Variants in ZNF462 observed in about 807,000 individuals in gnomAD.
ZNF462 encodes the protein zinc finger PBX1-interacting protein.
Under a neutral mutation model 201.9 loss-of-function variants are expected in ZNF462, and 10 were observed. The observed-to-expected ratio is 0.05, with a 90% confidence interval of 0.03 to 0.08. The LOEUF is 0.08. Among genes scored for constraint, ZNF462 ranks in the 10% least tolerant of loss-of-function variants. ZNF462 has a pLI of 1.00. For missense variants in ZNF462, 2,523 were observed against 3,168.3 expected (o/e 0.80, Z 4.89); for synonymous variants, 1,227 against 1,193.3 (o/e 1.03, Z -0.58).
chr9:106,985,899 G>A lies in ZNF462; in HGVS notation c.7056+1490G>A, dbSNP rs147837490. Among the ~76,000 whole-genome samples, 155 of 152,232 alleles carry A rather than the reference G, an allele frequency of 1.0e-3. 1 individual carries two copies. The highest frequency in any genetic ancestry group is 3.5e-3 in the African/African-American group (147 of 41,554). On this transcript the variant is annotated intron_variant, in intron 10 of 12. Coordinates refer to ENST00000277225, the MANE Select transcript of ZNF462 (RefSeq NM_021224.6). ...CAATGTGTCTGCCCGAGAAAATGAAGCAAAGAGGAAAAGCCTGAATTACCT... is the reference window on the plus strand; with the variant it reads ...CAATGTGTCTGCCCGAGAAAATGAAACAAAGAGGAAAAGCCTGAATTACCT...
At chr9:106,896,200 C>T (rs1009077993) in intron 1 of ZNF462, among the ~76,000 whole-genome samples, 1 of 152,120 alleles carries the variant, frequency 6.6e-6, no homozygotes, top group African/African-American at 2.4e-5. Context: ...CTTCTGTCCC[C>T]CTCATTGTTT....
intron 1 of ZNF462, among the ~76,000 whole-genome samples, chr9:106,866,691 T>C (rs74777888): frequency 0.018 from 2,675 of 152,310 alleles, 78 homozygotes; most frequent in African/African-American, 0.06. Context: ...TTGATACCAT[T>C]ACTTTTGCTC....
At chr9:106,960,271 C>T (rs1831770875) in intron 7 of ZNF462, among the ~76,000 whole-genome samples, 1 of 152,054 alleles carries the variant, frequency 6.6e-6, no homozygotes, top group Non-Finnish European at 1.5e-5. Flanking sequence ...ACAGTTGTTC[C>T]CTCCGGGCTC....
chr9:106,904,156 T>C (rs1318799853), intron 1 of ZNF462, among the ~76,000 whole-genome samples: 1 of 146,970 alleles, frequency 6.8e-6, no homozygotes, highest in East Asian at 2.0e-4. Context: ...TTTGTTTGTC[T>C]GAAAACAAGT....
At chr9:106,971,951 C>T (rs1382565359) in intron 7 of ZNF462, 54 bp from the exon 8 acceptor site, 49 of 1,549,206 alleles carry the variant, frequency 3.2e-5, no homozygotes, top group Non-Finnish European at 4.0e-5. Flanking sequence ...TTTCAAGCAT[C>T]GATCACCTAC....
Position 106,984,450 on chromosome 9 carries a change from T to C in ZNF462, c.7056+41T>C. 1 of 1,546,592 alleles carries C rather than the reference T, an allele frequency of 6.5e-7. No individual in the cohort carries two copies. The highest frequency in any genetic ancestry group is 1.4e-5 in the African/African-American group (1 of 73,494). On this transcript the variant is annotated intron_variant, in intron 10 of 12. Transcript: ENST00000277225. The surrounding 1 kb of genome is among the most constrained non-coding windows in gnomAD (Gnocchi z 6.4). ...TCCTGCTCCCGCCTCAGCACACTTGTGGGGAGGGGCCAAGGGGGAGACACC... is the reference window on the plus strand; with the variant it reads ...TCCTGCTCCCGCCTCAGCACACTTGCGGGGAGGGGCCAAGGGGGAGACACC...
In ZNF462 at chr9:107,006,886, T is replaced by G. The variant is rs908747994; in HGVS notation, c.7190-2659T>G. Among the ~76,000 whole-genome samples the G allele has an allele frequency of 6.6e-6, 1 of 152,196 alleles. No individual in the cohort carries two copies. Among genetic ancestry groups the G allele is most frequent in the African/African-American group, 2.4e-5 (1 of 41,436 alleles). ...GATTGTTCTTATAAAGTTATTATTT[T>G]TATTAGTAGAGGCTGTATTAATCCA... On this transcript the variant is annotated intron_variant, in intron 11 of 12. Transcript: ENST00000277225. The surrounding 1 kb of genome is among the most constrained non-coding windows in gnomAD (Gnocchi z 4.3).
rs1830743584 is a variant in ZNF462 at position 106,938,874 on chromosome 9, C to T, written c.6236-42C>T. ...CCACCCTGGCCTTATACCCTTCTCC[C>T]CTCTTTTTCCTGTTCTATTTCTTGT... is the stretch of plus-strand genomic sequence containing the variant. On this transcript the variant is annotated intron_variant, in intron 6 of 12. Transcript: ENST00000277225. The surrounding 1 kb of genome is among the most constrained non-coding windows in gnomAD (Gnocchi z 4.4). The T allele has an allele frequency of 6.4e-7, 1 of 1,553,928 alleles. No homozygotes were observed. Among genetic ancestry groups the T allele is most frequent in the Non-Finnish European group, 8.7e-7 (1 of 1,148,058 alleles).
rs11284528 is a variant in ZNF462, at chr9:107,011,513, C to CA, written c.*496dup. The stretch of plus-strand genomic sequence containing the variant: ...AAAACAAAAAACAAAAAACAGAAAA[C>CA]AAAAAAAAAAAAACTGCTTTGCATA... On this transcript the variant is annotated 3_prime_UTR_variant, in exon 13 of 13. Coordinates refer to ENST00000277225, the MANE Select transcript of ZNF462 (RefSeq NM_021224.6). This position sits in a 1 kb window ranked among gnomAD's most constrained non-coding sequence, Gnocchi z 5.6. 7.8e-3 allele frequency: 1,069 copies of CA among 137,440 alleles called. 1 individual carries two copies. Among genetic ancestry groups the CA allele is most frequent in the South Asian group, 0.017 (72 of 4,152 alleles). 8.5% of individuals were successfully genotyped at this position (137,440 alleles called of 1,614,324 possible). A position where few individuals can be genotyped will look rare whatever the true frequency, so the allele number is the denominator to read the frequency against.
Position 107,011,419 on chromosome 9 carries a change from T to A in ZNF462, c.*389T>A, listed in dbSNP as rs1188826528. 6.3e-6 allele frequency: 1 copy of A among 158,334 alleles called. No individual in the cohort carries two copies. The highest frequency in any genetic ancestry group is 1.4e-5 in the Non-Finnish European group (1 of 72,490). The allele number at this position is 158,334 out of a possible 1,614,324, so 9.8% of individuals were successfully genotyped here. ...GGAGCAACTTTTTGACGCACAACTTTTGGTGCGTTTTTCTAGTTTTAATAC... is the reference window on the plus strand; with the variant it reads ...GGAGCAACTTTTTGACGCACAACTTATGGTGCGTTTTTCTAGTTTTAATAC... On this transcript the variant is annotated 3_prime_UTR_variant, in exon 13 of 13. Coordinates refer to ENST00000277225, the MANE Select transcript of ZNF462 (RefSeq NM_021224.6). The surrounding 1 kb of genome is among the most constrained non-coding windows in gnomAD (Gnocchi z 5.6).
At chr9:106,908,697 GC>G (rs1475429043) in intron 1 of ZNF462, among the ~76,000 whole-genome samples, 1 of 150,724 alleles carries the variant, frequency 6.6e-6, no homozygotes, top group African/African-American at 2.4e-5. Context: ...ATATTTCTGT[GC>G]AATTTCCTTT....
In ZNF462 at chr9:106,872,528, A is replaced by G. The variant is rs754981440; in HGVS notation, c.-31+9173A>G. Among the ~76,000 whole-genome samples the G allele has an allele frequency of 1.3e-5, 2 of 151,932 alleles. No homozygotes were observed. The highest frequency in any genetic ancestry group is 2.9e-5 in the Non-Finnish European group (2 of 67,964). On this transcript the variant is annotated intron_variant, in intron 1 of 12. Transcript: ENST00000277225. The surrounding 1 kb of genome is among the most constrained non-coding windows in gnomAD (Gnocchi z 4.5). ...CAGGCACAAGCCACCATGCCCAGCTAATTTCTTGTATTTTAGTAGAGACGG... is the reference window on the plus strand; with the variant it reads ...CAGGCACAAGCCACCATGCCCAGCTGATTTCTTGTATTTTAGTAGAGACGG...
In ZNF462 at chr9:106,899,239, T is replaced by TG. The variant is rs71384992; in HGVS notation, c.-30-24102dup. On this transcript the variant is annotated intron_variant, in intron 1 of 12. Transcript: ENST00000277225. ...GAATGTGTGTGTATGTGTGTGTGTG[T>TG]GGGGGGGGGGGGGTGTGTGCATGCA... Among the ~76,000 whole-genome samples the TG allele has an allele frequency of 7.3e-3, 417 of 57,420 alleles. 11 individuals carry two copies. The highest frequency in any genetic ancestry group is 0.016 in the East Asian group (21 of 1,316). The allele number at this position is 57,420 out of a possible 152,430, so 37.7% of individuals were successfully genotyped here.
intron 7 of ZNF462, among the ~76,000 whole-genome samples, chr9:106,951,737 T>TC (rs1831357558): frequency 6.6e-6 from 1 of 152,066 alleles, no homozygotes. Flanking sequence ...CATAAGCCTG[T>TC]CCAAGTTCCA....
At position 106,880,116 on chromosome 9, in the gene ZNF462, C is replaced by T. The variant is rs1230224683; in HGVS notation, c.-31+16761C>T. Among the ~76,000 whole-genome samples the T allele has an allele frequency of 6.6e-6, 1 of 152,116 alleles. No homozygotes were observed. Among genetic ancestry groups the T allele is most frequent in the Non-Finnish European group, 1.5e-5 (1 of 68,028 alleles). On this transcript the variant is annotated intron_variant, in intron 1 of 12. Coordinates refer to ENST00000277225, the MANE Select transcript of ZNF462 (RefSeq NM_021224.6). This position sits in a 1 kb window ranked among gnomAD's most constrained non-coding sequence, Gnocchi z 4.1. ...CCTAGGAATGGGACAAACAGAGTTGCTCGTAACCACCAAGAGCCCTCTCAA... is the reference window on the plus strand; with the variant it reads ...CCTAGGAATGGGACAAACAGAGTTGTTCGTAACCACCAAGAGCCCTCTCAA...
chr9:106,925,833 T>C lies in ZNF462; in HGVS notation c.1921T>C (p.Leu641=), dbSNP rs1218395261. 6.2e-7 allele frequency: 1 copy of C among 1,614,110 alleles called. No individual in the cohort carries two copies. The highest frequency in any genetic ancestry group is 2.2e-5 in the East Asian group (1 of 44,878). Residue 641 remains leucine (L), a synonymous_variant, in exon 3 of 13, where the codon TTG becomes CTG. Coordinates refer to ENST00000277225, the MANE Select transcript of ZNF462 (RefSeq NM_021224.6). The surrounding 1 kb of genome is among the most constrained non-coding windows in gnomAD (Gnocchi z 7.9). ...KFEGQPSSLP[L]ENETDSHPSS... is the part of the protein sequence containing the mutation. The stretch of plus-strand genomic sequence containing the variant: ...CGAGGGGCAGCCCTCAAGCCTACCA[T>C]TGGAAAATGAGACAGACAGCCACCC...
chr9:106,974,280 T>G lies in ZNF462; in HGVS notation c.6832+7T>G, dbSNP rs375649122. 4.3e-6 allele frequency: 7 copies of G among 1,614,022 alleles called. No individual in the cohort carries two copies. The highest frequency in any genetic ancestry group is 5.1e-6 in the Non-Finnish European group (6 of 1,180,014). On this transcript the variant is annotated splice_region_variant and intron_variant, in intron 9 of 12. Coordinates refer to ENST00000277225, the MANE Select transcript of ZNF462 (RefSeq NM_021224.6). This position sits in a 1 kb window ranked among gnomAD's most constrained non-coding sequence, Gnocchi z 4.0. ...CACATCGTGCTGCACCGAGGTAACCTTTCTAACTTGGTTTTCTTGGATGCA... is the reference window on the plus strand; with the variant it reads ...CACATCGTGCTGCACCGAGGTAACCGTTCTAACTTGGTTTTCTTGGATGCA...
At chr9:106,888,709 G>A (rs1828440083) in intron 1 of ZNF462, among the ~76,000 whole-genome samples, 1 of 152,194 alleles carries the variant, frequency 6.6e-6, no homozygotes, top group Non-Finnish European at 1.5e-5. Flanking sequence ...ATGAGAGAGA[G>A]TTAACCTAGA....
intron 7 of ZNF462, among the ~76,000 whole-genome samples, chr9:106,957,972 AT>A (rs1448926044): frequency 6.6e-6 from 1 of 152,154 alleles, no homozygotes; most frequent in African/African-American, 2.4e-5. Context: ...AGGTAGAGCC[AT>A]AGTCCATTTG....
Sources: allele counts gnomAD v4.1 joint callset (sites outside exome capture counted in the v4.1 genomes callset), GRCh38; gene constraint gnomAD v4.1.1; non-coding constraint Gnocchi (gnomAD v3.1); transcripts MANE v1.5; gene names NCBI Gene and HGNC (gene_info 2026-07-23, HGNC 2026-07-21).